Variants in SECISBP2 observed in about 807,000 individuals in gnomAD.
SECISBP2 encodes the protein SECIS binding protein 2.
SECISBP2 carries 96 observed loss-of-function variants against 98.2 expected under a neutral mutation model. The ratio of observed to expected loss-of-function variants is 0.98; its 90% CI spans 0.83 to 1.16. SECISBP2 has a LOEUF of 1.16. Among genes scored for constraint, SECISBP2 ranks in the 50% most tolerant of loss-of-function variants. SECISBP2 has a pLI of 0.00. For missense variants in SECISBP2, 1,046 were observed against 1,022.9 expected, an observed-to-expected ratio of 1.02 and a Z score of -0.31; for synonymous variants, 407 against 370.2, an observed-to-expected ratio of 1.10 and a Z score of -1.14.
chr9:89,366,941 T>C, the SECISBP2 span, among the ~76,000 whole-genome samples: 28 of 152,248 alleles, frequency 1.8e-4, no homozygotes, highest in African/African-American at 5.5e-4. Flanking sequence ...CTAAGCTGGA[T>C]TGGATTAATC....
In SECISBP2 at chr9:89,328,778, CA is replaced by C. The variant is rs1301741825; in HGVS notation, c.695del (p.Asn232IlefsTer24). On this transcript the variant is annotated frameshift_variant, in exon 5 of 17. Coordinates refer to ENST00000375807, the MANE Select transcript of SECISBP2 (RefSeq NM_024077.5). LOFTEE classifies it high-confidence loss of function. ...DFPELQGAENNMSEIQKQPKW... is the reference protein window; with the variant it reads ...DFPELQGAENXMSEIQKQPKW... ...TTCCTGAACTGCAAGGTGCAGAGAA[CA>C]ATATGTCAGAGATACAGAAGCAACC... 5 of 1,614,188 alleles carry C rather than the reference CA, an allele frequency of 3.1e-6. No homozygotes were observed. The highest frequency in any genetic ancestry group is 4.2e-6 in the Non-Finnish European group (5 of 1,180,006).
At position 89,325,479 on chromosome 9, in the gene SECISBP2, C is replaced by G. The variant is rs952834034; in HGVS notation, c.235C>G (p.Gln79Glu). 1 of 1,613,670 alleles carries G rather than the reference C, an allele frequency of 6.2e-7. No homozygotes were observed. The highest frequency in any genetic ancestry group is 2.2e-5 in the East Asian group (1 of 44,870). The change falls in exon 3 of 17, where the codon CAG becomes GAG. Residue 79 changes from glutamine to glutamate, a missense_variant. Gln to Glu is a conservative substitution (Grantham distance 29). Coordinates refer to ENST00000375807, the MANE Select transcript of SECISBP2 (RefSeq NM_024077.5). ...CTTTGGAGCTTCAACTTTTCCACCT[C>G]AGTATTTATCTTCTGAGATAACTCT... ...MAFGASTFPP[Q>E]YLSSEITLHP... is the part of the protein sequence containing the mutation.
intron 7 of SECISBP2, among the ~76,000 whole-genome samples, chr9:89,335,114 G>A (rs1564369021): frequency 6.6e-6 from 1 of 151,668 alleles, no homozygotes; most frequent in Non-Finnish European, 1.5e-5. Flanking sequence ...TACTCGGGAG[G>A]CTGAGACAGG....
Position 89,334,570 on chromosome 9 carries a change from C to T in SECISBP2, c.929C>T (p.Thr310Ile). ...TATGTTGTTCGACAGACATTATCTA[C>T]AGAACTGTCAGCAGCCCCTAAAAAT... ...MGYVVRQTLS[T>I]ELSAAPKNVT... The change falls in exon 7 of 17, where the codon ACA (threonine) becomes ATA (isoleucine). Residue 310 changes from threonine to isoleucine, a missense_variant. Physicochemically the swap from Thr to Ile is moderately conservative, Grantham distance 89. Coordinates refer to ENST00000375807, the MANE Select transcript of SECISBP2 (RefSeq NM_024077.5). 6.2e-7 allele frequency: 1 copy of T among 1,614,188 alleles called. No homozygotes were observed.
downstream of SECISBP2, chr9:89,361,242 G>GTGAT (rs1411472987): frequency 6.6e-6 from 1 of 152,220 alleles, no homozygotes; most frequent in Non-Finnish European, 1.5e-5. Context: ...GACACCTGTT[G>GTGAT]TGATGGATCC....
At chr9:89,333,705 T>C (rs1828144165) in intron 6 of SECISBP2, among the ~76,000 whole-genome samples, 2 of 152,258 alleles carry the variant, frequency 1.3e-5, no homozygotes, top group Admixed American at 1.3e-4. Flanking sequence ...GGACTGCTCA[T>C]CTGTCCTGTC....
At chr9:89,320,873 T>G (rs1825685412) in intron 2 of SECISBP2, among the ~76,000 whole-genome samples, 1 of 152,252 alleles carries the variant, frequency 6.6e-6, no homozygotes, top group Non-Finnish European at 1.5e-5. Flanking sequence ...ATCCTAATGC[T>G]TTTTTCTTCT....
At chr9:89,345,462 A>G (rs1184153823) in intron 10 of SECISBP2, among the ~76,000 whole-genome samples, 1 of 152,140 alleles carries the variant, frequency 6.6e-6, no homozygotes, top group South Asian at 2.1e-4. Flanking sequence ...TACTGTTCCC[A>G]CCTGAAGGCT....
intron 7 of SECISBP2, among the ~76,000 whole-genome samples, chr9:89,337,863 A>C (rs980234637): frequency 6.6e-6 from 1 of 152,246 alleles, no homozygotes; most frequent in Admixed American, 6.5e-5. Flanking sequence ...AAGGGTAGAA[A>C]GCAACGGGTA....
intron 5 of SECISBP2, chr9:89,329,145 G>T (rs546828395): frequency 1.1e-5 from 5 of 437,774 alleles, no homozygotes; most frequent in Non-Finnish European, 2.1e-5. Context: ...ACGGAGTCTC[G>T]CTCTGTCACC....
chr9:89,333,182 T>TA (rs1176311115), intron 6 of SECISBP2, among the ~76,000 whole-genome samples, 196 bp downstream of exon 6: 5 of 152,184 alleles, frequency 3.3e-5, no homozygotes. Context: ...GAGTATAAAA[T>TA]AAGAGACAAG....
intron 6 of SECISBP2, chr9:89,333,941 T>C: frequency 4.9e-6 from 4 of 819,738 alleles, no homozygotes; most frequent in Non-Finnish European, 5.9e-6. Context: ...ACAGTCTGTT[T>C]TACCCTTGGG....
chr9:89,320,410 G>A (rs1471500115), intron 2 of SECISBP2, among the ~76,000 whole-genome samples: 1 of 150,586 alleles, frequency 6.6e-6, no homozygotes, highest in Non-Finnish European at 1.5e-5. Context: ...TGTTCATATG[G>A]TTTAAAAATA....
chr9:89,348,213 A>G lies in SECISBP2; in HGVS notation c.1737A>G (p.Ser579=). 6.2e-7 allele frequency: 1 copy of G among 1,614,182 alleles called. No individual in the cohort carries two copies. The highest frequency in any genetic ancestry group is 8.5e-7 in the Non-Finnish European group (1 of 1,179,998). The change falls in exon 12 of 17, where the codon TCA becomes TCG. Residue 579 remains serine (S), a splice_region_variant and synonymous_variant. Transcript: ENST00000375807. The part of the protein sequence containing the change: ...DDQFPEQAEL[S]GPEGMDELIS... ...AGTTTCCCGAGCAGGCAGAGCTGTC[A>G]GGTACCAACTTCTCTTTGTGCCTTA...
chr9:89,336,716 G>A (rs1828777249), intron 7 of SECISBP2, among the ~76,000 whole-genome samples: 1 of 149,880 alleles, frequency 6.7e-6, no homozygotes, highest in Non-Finnish European at 1.5e-5. Flanking sequence ...TGTCTCTGGG[G>A]CTCCTCTGGG....
At chr9:89,330,800 A>G (rs1025058798) in intron 5 of SECISBP2, among the ~76,000 whole-genome samples, 2 of 152,206 alleles carry the variant, frequency 1.3e-5, no homozygotes, top group African/African-American at 2.4e-5. Flanking sequence ...TACCGCTCTC[A>G]TGAGTGCCCT....
chr9:89,320,365 A>G (rs1252866113), intron 2 of SECISBP2, among the ~76,000 whole-genome samples: 1 of 151,646 alleles, frequency 6.6e-6, no homozygotes, highest in African/African-American at 2.4e-5. Context: ...CAAAAAAAAA[A>G]AAAAAAAAAA....
chr9:89,321,161 G>C (rs1825738678), intron 2 of SECISBP2, among the ~76,000 whole-genome samples: 1 of 152,128 alleles, frequency 6.6e-6, no homozygotes, highest in Non-Finnish European at 1.5e-5. Context: ...GTTTGGCATG[G>C]GTCTCACTTG....
Position 89,334,695 on chromosome 9 carries a change from A to C in SECISBP2, c.1054A>C (p.Asn352His), listed in dbSNP as rs1270147201. ...AGCTTTATCTTCGGATCCTTCCTAC[A>C]ACAAAGAAAAACACATTATTCATCC... ...SEALSSDPSY[N>H]KEKHIIHPTQ... The change falls in exon 7 of 17, where the codon AAC (asparagine) becomes CAC (histidine). Residue 352 changes from asparagine to histidine, a missense_variant. Physicochemically the swap from Asn to His is moderately conservative, Grantham distance 68. Coordinates refer to ENST00000375807, the MANE Select transcript of SECISBP2 (RefSeq NM_024077.5). 6.2e-7 allele frequency: 1 copy of C among 1,613,894 alleles called. No homozygotes were observed. Among genetic ancestry groups the C allele is most frequent in the African/African-American group, 1.3e-5 (1 of 75,058 alleles).
Sources: gnomAD v4.1 joint callset for allele counts (sites outside exome capture counted in the v4.1 genomes callset) on GRCh38, gnomAD v4.1.1 for gene constraint, MANE v1.5 for transcripts, NCBI Gene and HGNC (gene_info 2026-07-23, HGNC 2026-07-21) for gene names.